The following SMYD1 variants were observed in gnomAD, a reference collection of about 807,000 sequenced individuals.
The protein encoded by SMYD1 is SET and MYND domain containing 1, also known as histone-lysine N-methyltransferase SMYD1.
A neutral mutation model predicts 54.0 loss-of-function variants in SMYD1; 49 were observed. The observed-to-expected ratio is 0.91, with a 90% CI of 0.72 to 1.15. The LOEUF (loss-of-function observed/expected upper bound fraction) is 1.15, where lower values mean the gene tolerates loss of function less well. Ranked by LOEUF, SMYD1 falls within the 50% of genes most tolerant of loss-of-function variation. The pLI, the probability that SMYD1 is intolerant of heterozygous loss-of-function variation, is 0.00. For synonymous variants in SMYD1, 269 were observed against 234.2 expected (o/e 1.15, Z -1.36); for missense variants, 653 against 639.6 (o/e 1.02, Z -0.23).
intron 4 of SMYD1, among the ~76,000 whole-genome samples, 163 bp downstream of exon 4, chr2:88,091,305 G>C (rs1674457213): frequency 6.6e-6 from 1 of 152,218 alleles, no homozygotes; most frequent in Non-Finnish European, 1.5e-5. Flanking sequence ...GTGAATGAGA[G>C]AAAGGCATCA....
rs772098732 is a variant in SMYD1, at chr2:88,106,285, T to C, written c.982-40T>C. 1.7e-5 allele frequency: 27 copies of C among 1,605,870 alleles called. 1 individual carries two copies. The South Asian group carries it at 3.0e-4, about 18-fold the overall frequency. On this transcript the variant is annotated intron_variant, in intron 7 of 9. Coordinates refer to ENST00000419482, the MANE Select transcript of SMYD1 (RefSeq NM_198274.4). ...GCGTATGTGAATTAAACGTGTGCTC[T>C]GGTGCAATGGTAATGGGCAGGGCCT...
chr2:88,108,508 G>C lies in SMYD1; in HGVS notation c.1283G>C (p.Gly428Ala). Reference sequence around the variant, plus strand: ...TATGCCATTCTCCTGGTGACACACGGACCCTCCCACCCCATCACTAAGGAC... The same window carrying C: ...TATGCCATTCTCCTGGTGACACACGCACCCTCCCACCCCATCACTAAGGAC... ...KAYAILLVTH[G>A]PSHPITKDLE... Residue 428 changes from glycine to alanine, a missense_variant, in exon 9 of 10, where the codon GGA becomes GCA. Transcript: ENST00000419482. 6.2e-7 allele frequency: 1 copy of C among 1,607,296 alleles called. No individual in the cohort carries two copies. The highest frequency in any genetic ancestry group is 8.5e-7 in the Non-Finnish European group (1 of 1,176,996).
chr2:88,106,850 C>T (rs1674887363), intron 8 of SMYD1, among the ~76,000 whole-genome samples: 1 of 152,074 alleles, frequency 6.6e-6, no homozygotes, highest in Non-Finnish European at 1.5e-5. Context: ...AGTCTAGGAG[C>T]TTTTATTTAT....
At position 88,067,891 on chromosome 2, in the gene SMYD1, G is replaced by A. The variant is rs1378822047; in HGVS notation, c.27G>A (p.Val9=). 1 of 1,613,992 alleles carries A rather than the reference G, an allele frequency of 6.2e-7. No individual in the cohort carries two copies. Among genetic ancestry groups the A allele is most frequent in the Non-Finnish European group, 8.5e-7 (1 of 1,180,048 alleles). The part of the protein sequence containing the change: MTIGRMEN[V]EVFTAEGKGR... ...TGACAATAGGGAGAATGGAGAACGT[G>A]GAGGTCTTCACCGCTGAGGGCAAAG... Residue 9 remains valine (V), a synonymous_variant, in exon 1 of 10, where the codon GTG becomes GTA. Transcript: ENST00000419482.
At chr2:88,077,476 TA>T (rs919646944) in intron 1 of SMYD1, among the ~76,000 whole-genome samples, 8 of 152,132 alleles carry the variant, frequency 5.3e-5, no homozygotes, top group African/African-American at 1.9e-4. Flanking sequence ...TGAAGATTTT[TA>T]AAAAAACGAA....
At chr2:88,102,184 G>A (rs894199) in intron 6 of SMYD1, among the ~76,000 whole-genome samples, 1 of 151,528 alleles carries the variant, frequency 6.6e-6, no homozygotes, top group Non-Finnish European at 1.5e-5. Flanking sequence ...TAAAAGATTT[G>A]CTTAAGCAAA....
chr2:88,093,735 T>C (rs2919850), intron 5 of SMYD1, among the ~76,000 whole-genome samples, 180 bp downstream of exon 5: 18,843 of 152,194 alleles, frequency 0.12, 1,366 homozygotes, highest in African/African-American at 0.2. Context: ...TACCCACATA[T>C]CACCTGCCTT....
rs1675071712 is a variant in SMYD1 at position 88,113,276 on chromosome 2, A to G, written c.*2764A>G. 6.6e-6 allele frequency: 1 copy of G among 152,250 alleles called. No individual in the cohort carries two copies. Among genetic ancestry groups the G allele is most frequent in the Admixed American group, 6.5e-5 (1 of 15,280 alleles). The allele number at this position is 152,250 out of a possible 1,614,324, so 9.4% of individuals were successfully genotyped here. The stretch of plus-strand genomic sequence containing the variant: ...AATAAATGAATGAATGAATGAACAA[A>G]TGAATGAATTTGCTTACTTCAAGGC... On this transcript the variant is annotated 3_prime_UTR_variant, in exon 10 of 10. Transcript: ENST00000419482.
chr2:88,099,710 G>A (rs1423508703), intron 6 of SMYD1, among the ~76,000 whole-genome samples: 2 of 151,162 alleles, frequency 1.3e-5, no homozygotes, highest in Admixed American at 1.3e-4. Flanking sequence ...GCGACAGAGC[G>A]AGATTCCATC....
At chr2:88,101,732 A>C (rs1373557673) in intron 6 of SMYD1, among the ~76,000 whole-genome samples, 1 of 152,054 alleles carries the variant, frequency 6.6e-6, no homozygotes, top group Non-Finnish European at 1.5e-5. Context: ...CAGCCTCCCT[A>C]GTAGCTAGGA....
At chr2:88,093,399 T>C (rs1309608849) in intron 4 of SMYD1, 118 bp from the exon 5 acceptor site, 1 of 1,199,048 alleles carries the variant, frequency 8.3e-7, no homozygotes, top group African/African-American at 1.5e-5. Context: ...GGATAAAGGT[T>C]ATTGTGATGG....
chr2:88,091,455 A>G (rs1322343820), intron 4 of SMYD1, among the ~76,000 whole-genome samples: 3 of 152,168 alleles, frequency 2.0e-5, no homozygotes, highest in Non-Finnish European at 4.4e-5. Context: ...TCATTTAGTC[A>G]AGGTCTCAGC....
intron 1 of SMYD1, among the ~76,000 whole-genome samples, chr2:88,071,084 C>T (rs1373545779): frequency 6.7e-6 from 1 of 149,448 alleles, no homozygotes; most frequent in Non-Finnish European, 1.5e-5. Flanking sequence ...CCACTTGTTT[C>T]TTTCAATGAA....
At chr2:88,079,653 G>A (rs1006276087) in intron 1 of SMYD1, among the ~76,000 whole-genome samples, 2 of 152,084 alleles carry the variant, frequency 1.3e-5, no homozygotes, top group African/African-American at 4.8e-5. Context: ...AAACCCGTCT[G>A]TACTAAAAAA....
intron 1 of SMYD1, among the ~76,000 whole-genome samples, chr2:88,080,576 G>A (rs1000194232): frequency 4.6e-5 from 7 of 152,110 alleles, no homozygotes; most frequent in African/African-American, 7.2e-5. Flanking sequence ...TTGTGCTTGC[G>A]TCTAACTGTT....
intron 9 of SMYD1, among the ~76,000 whole-genome samples, chr2:88,110,103 T>C (rs928615189): frequency 6.6e-6 from 1 of 152,156 alleles, no homozygotes; most frequent in Non-Finnish European, 1.5e-5. Flanking sequence ...AAGCATTCTT[T>C]TCTGAGAACG....
Position 88,093,574 on chromosome 2 carries a change from G to A in SMYD1, c.698+19G>A. On this transcript the variant is annotated intron_variant, in intron 5 of 9. Transcript: ENST00000419482. ...AGATGAGGTGGGTCAGTCCTTTCAAGCATCCCTGCTCCTCTGACCCATCTC... is the reference window on the plus strand; with the variant it reads ...AGATGAGGTGGGTCAGTCCTTTCAAACATCCCTGCTCCTCTGACCCATCTC... 6.2e-7 allele frequency: 1 copy of A among 1,614,128 alleles called. No homozygotes were observed. The highest frequency in any genetic ancestry group is 1.1e-5 in the South Asian group (1 of 91,074).
Position 88,110,307 on chromosome 2 carries a change from T to C in SMYD1, c.1315-47T>C, listed in dbSNP as rs370047617. On this transcript the variant is annotated intron_variant, in intron 9 of 9. Coordinates refer to ENST00000419482, the MANE Select transcript of SMYD1 (RefSeq NM_198274.4). The stretch of plus-strand genomic sequence containing the variant: ...CCAAGGTATATCAGAGACCAGCATG[T>C]CCTAGGGGCTTGCTATCACTGTTTA... The C allele has an allele frequency of 1.3e-5, 21 of 1,565,014 alleles. No individual in the cohort carries two copies. In the African/African-American group the frequency reaches 2.8e-4, roughly 21 times the overall value.
intron 1 of SMYD1, among the ~76,000 whole-genome samples, chr2:88,082,891 A>G (rs981695560): frequency 4.6e-5 from 7 of 152,168 alleles, no homozygotes; most frequent in African/African-American, 1.7e-4. Context: ...ATTCAAGCTT[A>G]ACACAAGGAG....
Sources: gnomAD v4.1 joint callset for allele counts (sites outside exome capture counted in the v4.1 genomes callset) on GRCh38, gnomAD v4.1.1 for gene constraint, MANE v1.5 for transcripts, NCBI Gene and HGNC (gene_info 2026-07-23, HGNC 2026-07-21) for gene names.